Variants in MDGA2 observed in about 807,000 individuals in gnomAD.
The protein encoded by MDGA2 is MAM domain-containing glycosylphosphatidylinositol anchor protein 2.
A neutral mutation model predicts 117.8 loss-of-function variants in MDGA2; 40 were observed. That is an observed-to-expected ratio of 0.34 (90% confidence interval 0.26 to 0.44). The LOEUF (loss-of-function observed/expected upper bound fraction) is 0.44. MDGA2 is among the 20% of genes least tolerant of loss of function. The probability of loss-of-function intolerance (pLI) is 1.00; values close to 1 mark genes in which losing one functional copy is unlikely to be tolerated. For missense variants in MDGA2, 1,123 were observed against 1,250.6 expected (o/e 0.90, Z 1.54); for synonymous variants, 452 against 439.0 (o/e 1.03, Z -0.37).
At chr14:47,568,799 A>G (rs895919234) in intron 1 of MDGA2, among the ~76,000 whole-genome samples, 15 of 152,178 alleles carry the variant, frequency 9.9e-5, no homozygotes, top group African/African-American at 3.4e-4. Context: ...ACTTTTGATG[A>G]CATTTACTTT....
intron 2 of MDGA2, among the ~76,000 whole-genome samples, chr14:47,299,851 C>T (rs1889215038): frequency 6.6e-6 from 1 of 151,980 alleles, no homozygotes; most frequent in Non-Finnish European, 1.5e-5. Flanking sequence ...ATTCTTTAAT[C>T]CATTTTCAGT....
chr14:47,315,858 C>T (rs1483646383), intron 1 of MDGA2, among the ~76,000 whole-genome samples: 4 of 151,202 alleles, frequency 2.6e-5, no homozygotes, highest in Non-Finnish European at 5.9e-5. Context: ...CAATGTTATT[C>T]TTTCAATAAT....
intron 1 of MDGA2, among the ~76,000 whole-genome samples, chr14:47,622,464 C>T (rs908673822): frequency 9.2e-5 from 14 of 152,130 alleles, no homozygotes; most frequent in African/African-American, 3.4e-4. Context: ...GGACATTTTC[C>T]TCAGGTTGTA....
chr14:46,930,832 G>A (rs563050638), intron 9 of MDGA2, among the ~76,000 whole-genome samples: 1 of 152,200 alleles, frequency 6.6e-6, no homozygotes, highest in South Asian at 2.1e-4. Context: ...ATAAGCTCCA[G>A]ATGGCAAATA....
At chr14:47,072,111 G>T (rs1327527241) in intron 6 of MDGA2, among the ~76,000 whole-genome samples, 2 of 126,910 alleles carry the variant, frequency 1.6e-5, no homozygotes, top group East Asian at 2.4e-4. Flanking sequence ...TGGGGGGGGG[G>T]GGGTTTGCAG....
chr14:46,985,840 C>T (rs889672808), intron 8 of MDGA2, among the ~76,000 whole-genome samples: 5 of 152,070 alleles, frequency 3.3e-5, no homozygotes, highest in South Asian at 2.1e-4. Context: ...TTAAGAATCA[C>T]AGACCTCTTC....
intron 1 of MDGA2, among the ~76,000 whole-genome samples, chr14:47,380,289 C>A (rs958385034): frequency 2.0e-5 from 3 of 151,864 alleles, no homozygotes; most frequent in Non-Finnish European, 4.4e-5. Context: ...AAATTGACAC[C>A]CTAACATCAC....
chr14:47,604,496 C>CA (rs1555335639), intron 1 of MDGA2, among the ~76,000 whole-genome samples: 17 of 133,858 alleles, frequency 1.3e-4, no homozygotes, highest in African/African-American at 4.2e-4. Context: ...CACCCCCCCC[C>CA]ACCCTCACCC....
chr14:47,197,515 A>G (rs1885330234), intron 3 of MDGA2, among the ~76,000 whole-genome samples: 1 of 152,198 alleles, frequency 6.6e-6, no homozygotes, highest in African/African-American at 2.4e-5. Flanking sequence ...CTGCCCAGTC[A>G]TCTATGGTAT....
intron 1 of MDGA2, among the ~76,000 whole-genome samples, chr14:47,352,962 T>G (rs908959198): frequency 1.3e-5 from 2 of 152,266 alleles, no homozygotes; most frequent in African/African-American, 2.4e-5. Flanking sequence ...AGAAAAAGAA[T>G]ATTTTGAAAG....
chr14:47,646,353 T>C (rs1340871914), intron 1 of MDGA2, among the ~76,000 whole-genome samples: 1 of 151,984 alleles, frequency 6.6e-6, no homozygotes, highest in Admixed American at 6.6e-5. Flanking sequence ...ATATAACATA[T>C]ATAATACTCA....
chr14:47,097,984 T>C (rs1489331390), intron 5 of MDGA2, among the ~76,000 whole-genome samples: 1 of 151,734 alleles, frequency 6.6e-6, no homozygotes, highest in African/African-American at 2.4e-5. Flanking sequence ...ATATAGCACA[T>C]TTTTTTTCTG....
chr14:47,225,928 T>C (rs1469122367), intron 2 of MDGA2, among the ~76,000 whole-genome samples: 1 of 152,082 alleles, frequency 6.6e-6, no homozygotes, highest in East Asian at 1.9e-4. Flanking sequence ...CCACTACTAC[T>C]ACTAAGATGC....
At chr14:47,545,913 G>C (rs1895453617) in intron 1 of MDGA2, among the ~76,000 whole-genome samples, 1 of 152,094 alleles carries the variant, frequency 6.6e-6, no homozygotes, top group Admixed American at 6.6e-5. Flanking sequence ...TTTATGAACA[G>C]GTTGTATTTT....
chr14:47,653,902 C>T (rs1220636552), intron 1 of MDGA2, among the ~76,000 whole-genome samples: 1 of 152,194 alleles, frequency 6.6e-6, no homozygotes, highest in African/African-American at 2.4e-5. Flanking sequence ...GAAATGGATT[C>T]TCCCTTAGAG....
At chr14:47,317,319 T>A (rs1483676417) in intron 1 of MDGA2, among the ~76,000 whole-genome samples, 1 of 152,172 alleles carries the variant, frequency 6.6e-6, no homozygotes, top group African/African-American at 2.4e-5. Flanking sequence ...ATAAACTTCC[T>A]CTTTAAATAA....
At chr14:46,918,758 A>ATTTTTTTTTTTTTTT (rs1884000042) in intron 10 of MDGA2, among the ~76,000 whole-genome samples, 1 of 108,660 alleles carries the variant, frequency 9.2e-6, no homozygotes, top group Non-Finnish European at 1.7e-5. Flanking sequence ...CATACAGTGT[A>ATTTTTTTTTTTTTTT]TCTTTTTTTT....
intron 3 of MDGA2, among the ~76,000 whole-genome samples, chr14:47,168,193 T>C (rs1883965419): frequency 6.6e-6 from 1 of 151,708 alleles, no homozygotes; most frequent in South Asian, 2.1e-4. Flanking sequence ...TCTGAGAATA[T>C]TTTTTAAAAA....
At chr14:46,942,321 TG>T (rs1885027887) in intron 9 of MDGA2, among the ~76,000 whole-genome samples, 1 of 152,180 alleles carries the variant, frequency 6.6e-6, no homozygotes, top group South Asian at 2.1e-4. Context: ...ATGGAACAAA[TG>T]TCATTCACAT....
Sources: gnomAD v4.1 joint callset for allele counts (sites outside exome capture counted in the v4.1 genomes callset) on GRCh38, gnomAD v4.1.1 for gene constraint, MANE v1.5 for transcripts, NCBI Gene and HGNC (gene_info 2026-07-23, HGNC 2026-07-21) for gene names.